Variants in FBXO47 observed in about 807,000 individuals in gnomAD.
The protein encoded by FBXO47 is F-box only protein 47.
In FBXO47, 34 loss-of-function variants were observed where a neutral mutation model predicts 53.9. That is an observed-to-expected ratio of 0.63 (90% CI 0.48 to 0.84). FBXO47 has a LOEUF of 0.84. FBXO47 is among the 40% of genes least tolerant of loss of function. The pLI, the probability that FBXO47 is intolerant of heterozygous loss-of-function variation, is 0.00. For missense variants in FBXO47, 485 were observed against 541.3 expected, an observed-to-expected ratio of 0.90 and a Z score of 1.03; for synonymous variants, 165 against 181.6, an observed-to-expected ratio of 0.91 and a Z score of 0.73.
intron 6 of FBXO47, among the ~76,000 whole-genome samples, chr17:38,949,836 A>G (rs570428223): frequency 6.6e-6 from 1 of 152,304 alleles, no homozygotes; most frequent in South Asian, 2.1e-4. Flanking sequence ...CAGGGGCTCA[A>G]GTGATCCACT....
chr17:38,948,281 C>T lies in FBXO47; in HGVS notation c.617-3145G>A, dbSNP rs149401846. 6.5e-4 allele frequency among the ~76,000 whole-genome samples: 90 copies of T among 138,960 alleles called. 2 individuals are homozygous for T. The East Asian group carries it at 0.017, about 27-fold the overall frequency. 91.2% of individuals were successfully genotyped at this position (138,960 alleles called of 152,430 possible). ...AGGCGGGAGTGCAGTGGTGTGATCTCGGCTCATTGCAACCTCTGTCTCCCG... is the reference window on the plus strand; with the variant it reads ...AGGCGGGAGTGCAGTGGTGTGATCTTGGCTCATTGCAACCTCTGTCTCCCG... On this transcript the variant is annotated intron_variant, in intron 6 of 10. Coordinates refer to ENST00000378079, the MANE Select transcript of FBXO47 (RefSeq NM_001008777.3).
At chr17:38,955,666 CT>C (rs1905516007) in intron 4 of FBXO47, among the ~76,000 whole-genome samples, 1 of 151,126 alleles carries the variant, frequency 6.6e-6, no homozygotes, top group Non-Finnish European at 1.5e-5. Context: ...TGTATAAAAC[CT>C]TTTGCCGGTT....
At chr17:38,946,131 CATATATAA>C (rs1240079461) in intron 6 of FBXO47, among the ~76,000 whole-genome samples, 2 of 84,054 alleles carry the variant, frequency 2.4e-5, no homozygotes, top group South Asian at 3.3e-4. Context: ...AATATATATA[CATATATAA>C]ATATATAAAT....
chr17:38,943,838 T>C (rs1402714631), intron 7 of FBXO47, 102 bp from the exon 8 acceptor site: 7 of 977,960 alleles, frequency 7.2e-6, no homozygotes, highest in Non-Finnish European at 1.1e-5. Context: ...CCATTACTTA[T>C]ACAAGCTACT....
At chr17:38,943,772 G>T (rs769915402) in intron 7 of FBXO47, 36 bp from the exon 8 acceptor site, 1 of 1,571,678 alleles carries the variant, frequency 6.4e-7, no homozygotes, top group South Asian at 1.2e-5. Context: ...TGACAGAATA[G>T]TTGGCTTTGT....
rs1171257340 is a variant in FBXO47, at chr17:38,967,238, T to C, written c.-36A>G. The C allele has an allele frequency of 1.3e-5, 2 of 152,188 alleles. No homozygotes were observed. Among genetic ancestry groups the C allele is most frequent in the African/African-American group, 2.4e-5 (1 of 41,456 alleles). 9.4% of individuals were successfully genotyped at this position (152,188 alleles called of 1,614,324 possible). A position where few individuals can be genotyped will look rare whatever the true frequency, so the allele number is the denominator to read the frequency against. On this transcript the variant is annotated 5_prime_UTR_variant, in exon 1 of 11. Transcript: ENST00000378079. The stretch of plus-strand genomic sequence containing the variant: ...AAAAACCCTCTTTTACCACAGATTT[T>C]GACAGTTTTTCCGGCTACAGAGTCA...
In FBXO47 at chr17:38,939,652, C is replaced by CTTT. The variant is rs970784178; in HGVS notation, c.1084-923_1084-921dup. Among the ~76,000 whole-genome samples the CTTT allele has an allele frequency of 1.2e-3, 110 of 91,118 alleles. 12 individuals are homozygous for CTTT. Among genetic ancestry groups the CTTT allele is most frequent in the Non-Finnish European group, 1.5e-3 (73 of 47,462 alleles). The allele number at this position is 91,118 out of a possible 152,430, so 59.8% of individuals were successfully genotyped here. A position where few individuals can be genotyped will look rare whatever the true frequency, so the allele number is the denominator to read the frequency against. ...AAACTGACTGAAAAGTAAAAGGTTTCTTTTTTTTTTTTTTTTTTTTTTTTT... is the reference window on the plus strand; with the variant it reads ...AAACTGACTGAAAAGTAAAAGGTTTCTTTTTTTTTTTTTTTTTTTTTTTTTTTT... On this transcript the variant is annotated intron_variant, in intron 9 of 10. Coordinates refer to ENST00000378079, the MANE Select transcript of FBXO47 (RefSeq NM_001008777.3).
At chr17:38,953,162 CACACAA>C (rs1197788134) in intron 5 of FBXO47, among the ~76,000 whole-genome samples, 2,367 of 146,246 alleles carry the variant, frequency 0.016, 67 homozygotes, top group African/African-American at 0.058. Flanking sequence ...CACACACACA[CACACAA>C]AATAGCTAGG....
At chr17:38,955,691 G>T (rs1053281543) in intron 4 of FBXO47, among the ~76,000 whole-genome samples, 2 of 151,754 alleles carry the variant, frequency 1.3e-5, no homozygotes, top group African/African-American at 4.8e-5. Context: ...TAGAGACGGG[G>T]TTTCACGCCT....
At position 38,959,400 on chromosome 17, in the gene FBXO47, T is replaced by C. The variant is rs145404838; in HGVS notation, c.353-2147A>G. Among the ~76,000 whole-genome samples the C allele has an allele frequency of 7.7e-3, 1,172 of 151,518 alleles. 8 individuals carry two copies. The highest frequency in any genetic ancestry group is 0.024 in the African/African-American group (989 of 41,340). ...GAGTTCGAGACCAGCCTGGCCAACA[T>C]AGTGAAACCCTGTCTCTACTAATAC... On this transcript the variant is annotated intron_variant, in intron 3 of 10. Coordinates refer to ENST00000378079, the MANE Select transcript of FBXO47 (RefSeq NM_001008777.3).
At chr17:38,940,154 A>T (rs953322415) in intron 9 of FBXO47, among the ~76,000 whole-genome samples, 1 of 152,018 alleles carries the variant, frequency 6.6e-6, no homozygotes, top group African/African-American at 2.4e-5. Flanking sequence ...GTGACACAGT[A>T]CTGGATTTCA....
At chr17:38,955,905 C>A (rs925980836) in intron 4 of FBXO47, among the ~76,000 whole-genome samples, 2 of 137,962 alleles carry the variant, frequency 1.4e-5, no homozygotes, top group Non-Finnish European at 3.0e-5. Context: ...TTACAGCGAG[C>A]TGAGATCGTG....
intron 6 of FBXO47, among the ~76,000 whole-genome samples, chr17:38,946,409 G>GATAT (rs1302200901): frequency 1.9e-5 from 1 of 52,028 alleles, no homozygotes; most frequent in Non-Finnish European, 3.0e-5. Context: ...TAAATATATA[G>GATAT]ATATATATAT....
At chr17:38,948,052 A>G (rs2143924449) in intron 6 of FBXO47, among the ~76,000 whole-genome samples, 1 of 152,236 alleles carries the variant, frequency 6.6e-6, no homozygotes, top group South Asian at 2.1e-4. Flanking sequence ...AGATATGTGC[A>G]GCCATCACCA....
chr17:38,950,014 A>G (rs11870319), intron 6 of FBXO47, among the ~76,000 whole-genome samples: 5,005 of 152,264 alleles, frequency 0.033, 245 homozygotes, highest in African/African-American at 0.099. Context: ...TTATATTGTG[A>G]TAAAATATAG....
intron 5 of FBXO47, among the ~76,000 whole-genome samples, chr17:38,952,004 G>A (rs1905317189): frequency 6.6e-6 from 1 of 151,960 alleles, no homozygotes; most frequent in Non-Finnish European, 1.5e-5. Flanking sequence ...TCCAGCCTGG[G>A]CGACAAGAGC....
intron 6 of FBXO47, among the ~76,000 whole-genome samples, chr17:38,949,913 T>C (rs957270760): frequency 1.3e-5 from 2 of 152,160 alleles, no homozygotes; most frequent in Non-Finnish European, 2.9e-5. Flanking sequence ...TGTTTTCTTA[T>C]GACAGCTTTA....
chr17:38,940,777 G>A (rs1904470838), intron 9 of FBXO47, among the ~76,000 whole-genome samples: 2 of 151,872 alleles, frequency 1.3e-5, no homozygotes, highest in African/African-American at 4.9e-5. Context: ...CTGGGCTCAA[G>A]TGATCCTCCT....
Position 38,942,849 on chromosome 17 carries a change from T to A in FBXO47, c.1012A>T (p.Ser338Cys). The A allele has an allele frequency of 6.2e-7, 1 of 1,613,846 alleles. No individual in the cohort carries two copies. Among genetic ancestry groups the A allele is most frequent in the Non-Finnish European group, 8.5e-7 (1 of 1,179,798 alleles). ...LMLSGNNICF[S>C]FMASKAVNGR... The stretch of plus-strand genomic sequence containing the variant: ...TTCACAGCTTTACTAGCCATGAAAC[T>A]GAAACAGATGTTGTTTCCACTTAGC... Residue 338 changes from serine (S) to cysteine (C), a missense_variant, in exon 9 of 11, where the codon AGT (serine) becomes TGT (cysteine). Physicochemically the swap from Ser to Cys is moderately radical, Grantham distance 112. Coordinates refer to ENST00000378079, the MANE Select transcript of FBXO47 (RefSeq NM_001008777.3).
Sources: allele counts gnomAD v4.1 joint callset (sites outside exome capture counted in the v4.1 genomes callset), GRCh38; gene constraint gnomAD v4.1.1; transcripts MANE v1.5; gene names NCBI Gene and HGNC (gene_info 2026-07-23, HGNC 2026-07-21).